Variants in DNAJA3 observed in about 807,000 individuals in gnomAD.
DNAJA3 encodes DnaJ heat shock protein family (Hsp40) member A3.
A neutral mutation model predicts 54.9 loss-of-function variants in DNAJA3; 29 were observed. That is an observed-to-expected ratio of 0.53 (90% CI 0.39 to 0.72). The LOEUF is 0.72. Among genes scored for constraint, DNAJA3 ranks in the 30% least tolerant of loss-of-function variants. The pLI, the probability that DNAJA3 is intolerant of heterozygous loss-of-function variation, is 0.00. For synonymous variants in DNAJA3, 302 were observed against 251.4 expected, an observed-to-expected ratio of 1.20 and a Z score of -1.90; for missense variants, 708 against 639.4, an observed-to-expected ratio of 1.11 and a Z score of -1.16.
chr16:4,428,682 A>G (rs1205003263), intron 1 of DNAJA3, among the ~76,000 whole-genome samples: 1 of 152,156 alleles, frequency 6.6e-6, no homozygotes, highest in African/African-American at 2.4e-5. Context: ...CAAGTTTTAT[A>G]TCAGGTAGTG....
intron 5 of DNAJA3, chr16:4,442,803 A>G (rs2056852722): frequency 1.7e-6 from 1 of 598,332 alleles, no homozygotes; most frequent in Non-Finnish European, 2.9e-6. Flanking sequence ...CGTGTGGTCA[A>G]GTTGATGATC....
intron 3 of DNAJA3, among the ~76,000 whole-genome samples, chr16:4,439,355 C>CAAA (rs537238066): frequency 2.0e-5 from 2 of 100,514 alleles, no homozygotes. Context: ...GACTCCCAAT[C>CAAA]AAAAAAAAAA....
Position 4,437,448 on chromosome 16 carries a change from C to T in DNAJA3, c.392C>T (p.Ala131Val). 1 of 1,613,970 alleles carries T rather than the reference C, an allele frequency of 6.2e-7. No individual in the cohort carries two copies. The highest frequency in any genetic ancestry group is 8.5e-7 in the Non-Finnish European group (1 of 1,180,000). Residue 131 changes from alanine to valine, a missense_variant, in exon 3 of 12, where the codon GCC becomes GTC. Coordinates refer to ENST00000262375, the MANE Select transcript of DNAJA3 (RefSeq NM_005147.6). ...HPDTNKDDPK[A>V]KEKFSQLAEA... ...GACACAAATAAGGATGATCCCAAAGCCAAGGAGAAGTTCTCCCAGCTGGCA... is the reference window on the plus strand; with the variant it reads ...GACACAAATAAGGATGATCCCAAAGTCAAGGAGAAGTTCTCCCAGCTGGCA...
chr16:4,448,880 C>A (rs1406648604), intron 9 of DNAJA3, 32 bp downstream of exon 9: 1 of 1,554,226 alleles, frequency 6.4e-7, no homozygotes, highest in Admixed American at 1.7e-5. Flanking sequence ...GCCAAGCCCG[C>A]CTGGTCCTGC....
At chr16:4,443,781 G>A (rs776595123) in intron 6 of DNAJA3, among the ~76,000 whole-genome samples, 44 of 151,610 alleles carry the variant, frequency 2.9e-4, no homozygotes, top group Non-Finnish European at 5.3e-4. Context: ...CTGCCTCCCA[G>A]GCTCATGCCA....
At chr16:4,455,386 A>G (rs996464486) in intron 11 of DNAJA3, 160 bp from the exon 12 acceptor site, 3 of 776,308 alleles carry the variant, frequency 3.9e-6, no homozygotes, top group Admixed American at 4.7e-5. Context: ...TCGCCGTGTC[A>G]TCTTGGGACC....
chr16:4,435,381 A>G (rs1242723186), intron 2 of DNAJA3, among the ~76,000 whole-genome samples: 1 of 152,144 alleles, frequency 6.6e-6, no homozygotes, highest in Non-Finnish European at 1.5e-5. Context: ...ACAGCTTTTT[A>G]TAAGTGCACA....
At chr16:4,448,659 G>A in intron 8 of DNAJA3, 74 bp from the exon 9 acceptor site, 1 of 999,572 alleles carries the variant, frequency 1.0e-6, no homozygotes, top group East Asian at 2.5e-5. Flanking sequence ...TATCAAGATT[G>A]TCTTCATGTA....
rs953710188 is a variant in DNAJA3, at chr16:4,434,326, C to T, written c.212-58C>T. On this transcript the variant is annotated intron_variant, in intron 1 of 11. Coordinates refer to ENST00000262375, the MANE Select transcript of DNAJA3 (RefSeq NM_005147.6). ...TATAGCCTGGTGGGTCATGTACTCA[C>T]AGTTTTCTTTTGTTGAGAACATTCC... 1.3e-5 allele frequency: 20 copies of T among 1,582,536 alleles called. No individual in the cohort carries two copies. In the East Asian group the frequency reaches 2.5e-4, roughly 19 times the overall value.
chr16:4,435,494 C>G (rs1157368971), intron 2 of DNAJA3, among the ~76,000 whole-genome samples: 2 of 152,150 alleles, frequency 1.3e-5, no homozygotes, highest in South Asian at 2.1e-4. Flanking sequence ...CCATTGTCCT[C>G]TCTCCCCGGT....
chr16:4,441,041 C>T (rs552680786), intron 3 of DNAJA3: 2 of 386,976 alleles, frequency 5.2e-6, no homozygotes, highest in African/African-American at 2.0e-5. Flanking sequence ...AGGTAATGTC[C>T]CCTGAGGAGA....
At chr16:4,429,435 G>C (rs560990451) in intron 1 of DNAJA3, among the ~76,000 whole-genome samples, 2 of 151,462 alleles carry the variant, frequency 1.3e-5, no homozygotes, top group Non-Finnish European at 2.9e-5. Context: ...TATTGGCCAG[G>C]ATGGTCTCGA....
chr16:4,437,393 T>G lies in DNAJA3; in HGVS notation c.346-9T>G. On this transcript the variant is annotated splice_polypyrimidine_tract_variant and intron_variant, in intron 2 of 11. Coordinates refer to ENST00000262375, the MANE Select transcript of DNAJA3 (RefSeq NM_005147.6). ...GTATCTGGAGTAATTTATCATGTTT[T>G]TCCCTTAGCTTGCCAAGAAGTATCA... The G allele has an allele frequency of 6.2e-7, 1 of 1,613,380 alleles. No individual in the cohort carries two copies. The highest frequency in any genetic ancestry group is 8.5e-7 in the Non-Finnish European group (1 of 1,179,366).
intron 3 of DNAJA3, among the ~76,000 whole-genome samples, chr16:4,439,473 C>G (rs2056813945): frequency 1.3e-5 from 2 of 152,170 alleles, no homozygotes; most frequent in African/African-American, 4.8e-5. Context: ...CCTGCCTCAA[C>G]CTCAACTTCC....
rs533694094 is a variant in DNAJA3 at position 4,437,299 on chromosome 16, A to C, written c.346-103A>C. The C allele has an allele frequency of 7.3e-5, 71 of 975,890 alleles. 1 individual carries two copies. Among genetic ancestry groups the C allele is most frequent in the Non-Finnish European group, 1.1e-4 (68 of 628,784 alleles). 60.5% of individuals were successfully genotyped at this position (975,890 alleles called of 1,614,324 possible). On this transcript the variant is annotated intron_variant, in intron 2 of 11. Coordinates refer to ENST00000262375, the MANE Select transcript of DNAJA3 (RefSeq NM_005147.6). ...AGACAACTTTTATAAAGGGAACATA[A>C]TTATGACTGGTATTTGGGGTTCTGT...
At chr16:4,442,821 C>A in intron 5 of DNAJA3, 196 bp from the exon 6 acceptor site, 1 of 619,434 alleles carries the variant, frequency 1.6e-6, no homozygotes, top group African/African-American at 1.8e-5. Context: ...ATCTGGAGTG[C>A]AGAAGTTTGT....
At chr16:4,455,514 G>C (rs781319577) in intron 11 of DNAJA3, 32 bp from the exon 12 acceptor site, 21 of 1,551,284 alleles carry the variant, frequency 1.4e-5, no homozygotes, top group Non-Finnish European at 1.8e-5. Flanking sequence ...GAAATGTTGA[G>C]TATAAGGTAA....
At chr16:4,454,106 G>A (rs1330433453) in intron 10 of DNAJA3, among the ~76,000 whole-genome samples, 1 of 152,152 alleles carries the variant, frequency 6.6e-6, no homozygotes, top group Non-Finnish European at 1.5e-5. Flanking sequence ...GCCCCAAATG[G>A]GGACAACTTG....
intron 1 of DNAJA3, 66 bp downstream of exon 1, chr16:4,426,158 G>C: frequency 1.4e-6 from 2 of 1,436,308 alleles, no homozygotes; most frequent in Non-Finnish European, 9.2e-7. Flanking sequence ...TCTCCTCGCT[G>C]TGACTACGGC....
Sources: gnomAD v4.1 joint callset for allele counts (sites outside exome capture counted in the v4.1 genomes callset) on GRCh38, gnomAD v4.1.1 for gene constraint, MANE v1.5 for transcripts, NCBI Gene and HGNC (gene_info 2026-07-23, HGNC 2026-07-21) for gene names.